The following TENM1 variants were observed in gnomAD, a reference collection of about 807,000 sequenced individuals.
The protein encoded by TENM1 is teneurin transmembrane protein 1, also known as teneurin-1.
Under a neutral mutation model 174.8 loss-of-function variants are expected in TENM1, and 35 were observed. The observed-to-expected ratio is 0.20, with a 90% CI of 0.15 to 0.27. The LOEUF is 0.27. TENM1 is among the 10% of genes least tolerant of loss of function. The probability of loss-of-function intolerance (pLI) is 1.00; values close to 1 mark genes in which losing one functional copy is unlikely to be tolerated. For missense variants in TENM1, 1,633 were observed against 2,130.1 expected (o/e 0.77, Z 4.59); for synonymous variants, 781 against 798.7 (o/e 0.98, Z 0.37).
At chrX:125,002,247 G>T in the TENM1 span, among the ~76,000 whole-genome samples, 15 of 111,273 alleles carry the variant, frequency 1.3e-4, no homozygotes, top group African/African-American at 4.6e-4. Context: ...CTTCACAATT[G>T]GGCTCCTATA....
chrX:125,082,707 AT>A, the TENM1 span, among the ~76,000 whole-genome samples: 1 of 111,057 alleles, frequency 9.0e-6, no homozygotes. Context: ...GCATTACATC[AT>A]TTTTTGTCCC....
intron 25 of TENM1, among the ~76,000 whole-genome samples, chrX:124,418,736 C>T (rs1260475893): frequency 1.8e-5 from 2 of 112,170 alleles, no homozygotes; most frequent in Non-Finnish European, 3.8e-5. Flanking sequence ...ATACTTCAGC[C>T]ATCTCTTGCT....
chrX:124,971,485 AGTGAAG>A, the TENM1 span, among the ~76,000 whole-genome samples: 79 of 111,562 alleles, frequency 7.1e-4, no homozygotes, highest in African/African-American at 2.5e-3. Context: ...GGCTGGGTAG[AGTGAAG>A]GCACAGTAAT....
At chrX:124,892,129 A>G (rs1292134157) in intron 3 of TENM1, among the ~76,000 whole-genome samples, 1 of 111,912 alleles carries the variant, frequency 8.9e-6, no homozygotes, top group East Asian at 2.8e-4. Flanking sequence ...CTAGGTATTG[A>G]CTGTTCACAG....
intron 1 of TENM1, among the ~76,000 whole-genome samples, chrX:124,944,972 C>A (rs1009923559): frequency 3.6e-5 from 4 of 110,842 alleles, no homozygotes; most frequent in Non-Finnish European, 7.6e-5. Context: ...CTAGCACACC[C>A]TTTCACTCTA....
At chrX:124,961,072 G>T (rs1003862470) in intron 1 of TENM1, among the ~76,000 whole-genome samples, 7 of 111,517 alleles carry the variant, frequency 6.3e-5, no homozygotes, top group African/African-American at 2.3e-4. Flanking sequence ...TTAAATTTTG[G>T]CTCAATTTAA....
rs998577249 is a variant in TENM1, at chrX:124,680,752, T to A, written c.1016-8917A>T. 2.7e-5 allele frequency among the ~76,000 whole-genome samples: 3 copies of A among 111,292 alleles called. No individual in the cohort carries two copies. The East Asian group carries it at 8.4e-4, about 31-fold the overall frequency. ...CTTTTAATTCTTCTTTAAAATTTTA[T>A]TTTTTTTCTATTTTACTTCATTTTC... On this transcript the variant is annotated intron_variant, in intron 5 of 31. Coordinates refer to ENST00000422452, the Ensembl canonical transcript of TENM1.
At chrX:124,992,896 T>G in the TENM1 span, among the ~76,000 whole-genome samples, 1 of 111,426 alleles carries the variant, frequency 9.0e-6, no homozygotes, top group Non-Finnish European at 1.9e-5. Context: ...TTTGTATGCA[T>G]TTTCTCCAAT....
the TENM1 span, among the ~76,000 whole-genome samples, chrX:125,164,193 G>A: frequency 3.7e-3 from 416 of 111,662 alleles, 2 homozygotes; most frequent in African/African-American, 0.013. Context: ...TGTACACAAA[G>A]CCTGAACTGA....
chrX:124,770,812 C>T (rs183658246), intron 3 of TENM1, among the ~76,000 whole-genome samples: 162 of 110,757 alleles, frequency 1.5e-3, no homozygotes, highest in African/African-American at 5.1e-3. Flanking sequence ...ATAGTATTCC[C>T]TTCATGGATC....
chrX:124,606,593 C>G (rs1222884431), intron 11 of TENM1, among the ~76,000 whole-genome samples: 1 of 111,156 alleles, frequency 9.0e-6, no homozygotes, highest in Non-Finnish European at 1.9e-5. Flanking sequence ...TTGTCTGGAT[C>G]CAACATTTTA....
At chrX:125,162,080 T>C in the TENM1 span, among the ~76,000 whole-genome samples, 9 of 111,234 alleles carry the variant, frequency 8.1e-5, no homozygotes, top group Admixed American at 1.9e-4. Flanking sequence ...ATCAACTAGG[T>C]TTTTTTTCTG....
At chrX:124,838,158 A>G (rs1233766435) in intron 3 of TENM1, among the ~76,000 whole-genome samples, 1 of 112,335 alleles carries the variant, frequency 8.9e-6, no homozygotes, top group African/African-American at 3.2e-5. Flanking sequence ...AAGCAGAAAG[A>G]AGACTAAGAG....
rs550534359 is a variant in TENM1, at chrX:124,689,783, T to C, written c.1015+15230A>G. Among the ~76,000 whole-genome samples, 106 of 111,246 alleles carry C rather than the reference T, an allele frequency of 9.5e-4. 1 individual carries two copies. In the South Asian group the frequency reaches 0.038, roughly 40 times the overall value. On this transcript the variant is annotated intron_variant, in intron 5 of 31. Transcript: ENST00000422452. ...CTCTACATATACTATGTTTTTTTTT[T>C]CCTACGTGTACATGCCTAGGATAAT... is the stretch of plus-strand genomic sequence containing the variant.
At chrX:125,200,252 C>A in the TENM1 span, among the ~76,000 whole-genome samples, 11 of 111,466 alleles carry the variant, frequency 9.9e-5, no homozygotes, top group Non-Finnish European at 2.1e-4. Flanking sequence ...ATAGCAATCT[C>A]CATTCAAAGT....
At chrX:124,640,745 G>A (rs374721554) in intron 11 of TENM1, among the ~76,000 whole-genome samples, 32 of 110,473 alleles carry the variant, frequency 2.9e-4, no homozygotes, top group African/African-American at 1.0e-3. Context: ...CGGATCACGA[G>A]GTCAGGAGAT....
intron 15 of TENM1, among the ~76,000 whole-genome samples, chrX:124,534,774 G>A: frequency 9.0e-6 from 1 of 111,501 alleles, no homozygotes; most frequent in Non-Finnish European, 1.9e-5. Flanking sequence ...ACTGGGCTGA[G>A]AGAGGCTATA....
At chrX:124,847,382 G>A (rs746728458) in intron 3 of TENM1, among the ~76,000 whole-genome samples, 4 of 111,380 alleles carry the variant, frequency 3.6e-5, no homozygotes, top group African/African-American at 1.3e-4. Flanking sequence ...AAATACCTTC[G>A]AATCTTTCAA....
chrX:124,850,131 C>G (rs953451582), intron 3 of TENM1, among the ~76,000 whole-genome samples: 8 of 111,777 alleles, frequency 7.2e-5, no homozygotes, highest in Non-Finnish European at 1.5e-4. Flanking sequence ...ATAAAAAAGA[C>G]TGAAAAAGAA....
Sources: gnomAD v4.1 joint callset for allele counts (sites outside exome capture counted in the v4.1 genomes callset) on GRCh38, gnomAD v4.1.1 for gene constraint, MANE v1.5 for transcripts, NCBI Gene and HGNC (gene_info 2026-07-23, HGNC 2026-07-21) for gene names.